Variants in IP6K1 observed in about 807,000 individuals in gnomAD.
IP6K1 encodes ATP:1D-myo-inositol-hexakisphosphate phosphotransferase.
IP6K1 carries 13 observed loss-of-function variants against 38.3 expected under a neutral mutation model. The ratio of observed to expected loss-of-function variants is 0.34; its 90% confidence interval spans 0.22 to 0.54. IP6K1 has a LOEUF of 0.54. Among genes scored for constraint, IP6K1 ranks in the 20% least tolerant of loss-of-function variants. The pLI, the probability that IP6K1 is intolerant of heterozygous loss-of-function variation, is 0.92. For synonymous variants in IP6K1, 212 were observed against 229.9 expected (o/e 0.92, Z 0.70); for missense variants, 397 against 599.8 (o/e 0.66, Z 3.53).
rs535875574 is a variant in IP6K1 at position 49,781,211 on chromosome 3, G to A, written c.-129+5143C>T. Among the ~76,000 whole-genome samples the A allele has an allele frequency of 4.6e-5, 7 of 152,080 alleles. No homozygotes were observed. In the South Asian group the frequency reaches 8.3e-4, roughly 18 times the overall value. ...CAAGTAGCTGGGATTACAAGCACCC[G>A]CCACCACGCCTGACTAATTTTTTGT... On this transcript the variant is annotated intron_variant, in intron 1 of 5. Coordinates refer to ENST00000321599, the MANE Select transcript of IP6K1 (RefSeq NM_153273.4).
chr3:49,774,400 T>A (rs1484219193), intron 1 of IP6K1, among the ~76,000 whole-genome samples: 15 of 92,746 alleles, frequency 1.6e-4, no homozygotes, highest in African/African-American at 5.8e-4. Flanking sequence ...AGAGCTAGAC[T>A]CCATCTCAAA....
intron 4 of IP6K1, among the ~76,000 whole-genome samples, chr3:49,729,404 A>AT (rs1243342287): frequency 4.1e-5 from 6 of 146,810 alleles, no homozygotes; most frequent in African/African-American, 1.5e-4. Context: ...TATTTTTGTT[A>AT]TTTTTTATTT....
intron 1 of IP6K1, among the ~76,000 whole-genome samples, chr3:49,776,746 C>A (rs756428783): frequency 6.6e-6 from 1 of 152,122 alleles, no homozygotes; most frequent in Non-Finnish European, 1.5e-5. Flanking sequence ...TTTAGCAGGT[C>A]TGCAAACTTG....
In IP6K1 at chr3:49,738,427, TA is replaced by T; in HGVS notation, c.224-6del. 2 of 1,611,604 alleles carry T rather than the reference TA, an allele frequency of 1.2e-6. No individual in the cohort carries two copies. The highest frequency in any genetic ancestry group is 1.7e-6 in the Non-Finnish European group (2 of 1,177,884). On this transcript the variant is annotated splice_polypyrimidine_tract_variant and splice_region_variant and intron_variant, in intron 2 of 5. Transcript: ENST00000321599. ...CAAAACAGACAGATACCACGCCTGT[TA>T]AAAAAAGGGCAGTTGGTAAACAAAT...
intron 3 of IP6K1, among the ~76,000 whole-genome samples, chr3:49,737,545 G>A (rs1022461932): frequency 6.6e-6 from 1 of 152,122 alleles, no homozygotes; most frequent in East Asian, 1.9e-4. Context: ...AATTAGCTGG[G>A]TGTGGTGGTG....
At chr3:49,736,427 T>C (rs1049862282) in intron 3 of IP6K1, among the ~76,000 whole-genome samples, 2 of 152,142 alleles carry the variant, frequency 1.3e-5, no homozygotes, top group African/African-American at 2.4e-5. Context: ...TTTCTCTCTA[T>C]AGATTTGCCT....
At chr3:49,748,452 AGCACATTAC>A (rs1306278313) in intron 1 of IP6K1, among the ~76,000 whole-genome samples, 1 of 152,212 alleles carries the variant, frequency 6.6e-6, no homozygotes, top group African/African-American at 2.4e-5. Context: ...TTAGAGCTAC[AGCACATTAC>A]AACCATCAGG....
chr3:49,728,115 G>A lies in IP6K1; in HGVS notation c.780C>T (p.Val260=), dbSNP rs773336102. ...AGAGGTAACTCACCTGCATGCCGCA[G>A]ACCCTGACGCCCAGCGTGGCTGATG... ...QSTSATLGVR[V]CGMQVYQLDT... Residue 260 remains valine (V), a synonymous_variant, in exon 5 of 6, where the codon GTC becomes GTT. Coordinates refer to ENST00000321599, the MANE Select transcript of IP6K1 (RefSeq NM_153273.4). 6.2e-7 allele frequency: 1 copy of A among 1,613,686 alleles called. No individual in the cohort carries two copies. The highest frequency in any genetic ancestry group is 1.7e-5 in the Admixed American group (1 of 60,018).
rs1403130840 is a variant in IP6K1, at chr3:49,778,709, T to A, written c.-129+7645A>T. 2.0e-5 allele frequency among the ~76,000 whole-genome samples: 3 copies of A among 152,160 alleles called. No individual in the cohort carries two copies. The East Asian group carries it at 5.8e-4, about 29-fold the overall frequency. ...GGCCCAACCACAGCTCACTGCAGCC[T>A]CAAAATCCCAGACACAAGCGATCCT... On this transcript the variant is annotated intron_variant, in intron 1 of 5. Transcript: ENST00000321599.
At chr3:49,778,581 C>T (rs1292740815) in intron 1 of IP6K1, among the ~76,000 whole-genome samples, 4 of 151,812 alleles carry the variant, frequency 2.6e-5, no homozygotes, top group African/African-American at 7.3e-5. Flanking sequence ...TGTAGTGAGC[C>T]GAGATCGTGC....
intron 1 of IP6K1, among the ~76,000 whole-genome samples, chr3:49,762,178 C>G (rs1042244808): frequency 6.6e-6 from 1 of 152,184 alleles, no homozygotes; most frequent in Admixed American, 6.5e-5. Context: ...TCTCAAACTC[C>G]TGTACTCAAG....
Position 49,726,821 on chromosome 3 carries a change from G to A in IP6K1, c.*301C>T, listed in dbSNP as rs565804685. 2.2e-6 allele frequency: 1 copy of A among 446,324 alleles called. No homozygotes were observed. Among genetic ancestry groups the A allele is most frequent in the South Asian group, 6.2e-5 (1 of 16,082 alleles). The allele number at this position is 446,324 out of a possible 1,614,324, so 27.6% of individuals were successfully genotyped here. ...AAAGATCTAGACAAGAGAAACCAAT[G>A]TCCAAGGGCACCCTGTCCCTGCTGC... On this transcript the variant is annotated 3_prime_UTR_variant, in exon 6 of 6. Coordinates refer to ENST00000321599, the MANE Select transcript of IP6K1 (RefSeq NM_153273.4).
chr3:49,763,696 A>G (rs986678769), intron 1 of IP6K1, among the ~76,000 whole-genome samples: 1 of 152,272 alleles, frequency 6.6e-6, no homozygotes, highest in East Asian at 1.9e-4. Context: ...AAAACCTGAC[A>G]AAATTCAGTA....
chr3:49,743,279 C>CACA lies in IP6K1; in HGVS notation c.223+4538_223+4539insTGT, dbSNP rs775492367. ...ACACACACACACACACACACACACA[C>CACA]ACTTACCTTTCAGCTGGGAGCAGTG... On this transcript the variant is annotated intron_variant, in intron 2 of 5. Transcript: ENST00000321599. Among the ~76,000 whole-genome samples the CACA allele has an allele frequency of 2.8e-3, 416 of 147,176 alleles. 7 individuals carry two copies. In the Middle Eastern group the frequency reaches 0.045, roughly 16 times the overall value.
At chr3:49,775,841 T>C (rs930992814) in intron 1 of IP6K1, among the ~76,000 whole-genome samples, 4 of 152,136 alleles carry the variant, frequency 2.6e-5, no homozygotes, top group African/African-American at 9.6e-5. Flanking sequence ...GAAAAATTGA[T>C]AGATTAGTTA....
At chr3:49,772,202 G>GA (rs2080965395) in intron 1 of IP6K1, among the ~76,000 whole-genome samples, 1 of 133,906 alleles carries the variant, frequency 7.5e-6, no homozygotes, top group African/African-American at 2.8e-5. Flanking sequence ...GACAAAACAA[G>GA]ACCCTTTCCC....
intron 1 of IP6K1, among the ~76,000 whole-genome samples, chr3:49,773,536 G>C (rs992292004): frequency 2.0e-5 from 3 of 152,186 alleles, no homozygotes; most frequent in African/African-American, 7.2e-5. Context: ...GCATGACCCT[G>C]GGAGGCGGAG....
At chr3:49,784,773 C>T (rs1013624612) in intron 1 of IP6K1, among the ~76,000 whole-genome samples, 1 of 150,362 alleles carries the variant, frequency 6.7e-6, no homozygotes, top group Non-Finnish European at 1.5e-5. Flanking sequence ...AGTGAAACCC[C>T]GTCTCTACTA....
rs774367418 is a variant in IP6K1, at chr3:49,727,223, G to T, written c.1225C>A (p.Arg409=). 1 of 1,613,998 alleles carries T rather than the reference G, an allele frequency of 6.2e-7. No individual in the cohort carries two copies. Among genetic ancestry groups the T allele is most frequent in the African/African-American group, 1.3e-5 (1 of 74,892 alleles). The change falls in exon 6 of 6, where the codon CGG becomes AGG. Residue 409 remains arginine (R), a synonymous_variant. Coordinates refer to ENST00000321599, the MANE Select transcript of IP6K1 (RefSeq NM_153273.4). The surrounding 1 kb of genome is among the most constrained non-coding windows in gnomAD (Gnocchi z 5.9). ...DFAHSTFKGF[R]DDPTVHDGPD... ...CCATCATGCACGGTGGGGTCATCCC[G>T]GAAGCCCTTGAATGTGCTGTGTGCA...
Sources: allele counts gnomAD v4.1 joint callset (sites outside exome capture counted in the v4.1 genomes callset), GRCh38; gene constraint gnomAD v4.1.1; non-coding constraint Gnocchi (gnomAD v3.1); transcripts MANE v1.5; gene names NCBI Gene and HGNC (gene_info 2026-07-23, HGNC 2026-07-21).